FAM13C: variants seen among roughly 807,000 people sequenced by gnomAD.
FAM13C encodes the protein family with sequence similarity 13 member C, also known as protein FAM13C.
In FAM13C, 37 loss-of-function variants were observed where a neutral mutation model predicts 73.2. The ratio of observed to expected loss-of-function variants is 0.51; its 90% CI spans 0.39 to 0.67. FAM13C has a LOEUF of 0.67. Ranked by LOEUF, FAM13C falls within the 30% of genes least tolerant of loss-of-function variation. The pLI is 0.00. For synonymous variants in FAM13C, 246 were observed against 260.9 expected (o/e 0.94, Z 0.55); for missense variants, 589 against 715.6 (o/e 0.82, Z 2.02).
At chr10:59,354,255 G>A (rs1855425659) in intron 2 of FAM13C, among the ~76,000 whole-genome samples, 1 of 152,022 alleles carries the variant, frequency 6.6e-6, no homozygotes, top group South Asian at 2.1e-4. Flanking sequence ...TTACTTCCTT[G>A]ACTTGGAAAG....
chr10:59,312,399 T>C (rs1031438936), intron 4 of FAM13C, among the ~76,000 whole-genome samples: 1 of 152,154 alleles, frequency 6.6e-6, no homozygotes, highest in Admixed American at 6.5e-5. Context: ...CCTTCACCTG[T>C]CATCTTCCCT....
chr10:59,352,159 C>T, intron 3 of FAM13C, 111 bp downstream of exon 3: 3 of 1,218,758 alleles, frequency 2.5e-6, no homozygotes, highest in South Asian at 1.4e-5. Flanking sequence ...AATGACAAGT[C>T]GTGCCAATCC....
chr10:59,290,869 G>C (rs766864840), intron 5 of FAM13C, among the ~76,000 whole-genome samples: 7 of 152,132 alleles, frequency 4.6e-5, no homozygotes, highest in Non-Finnish European at 8.8e-5. Context: ...ATTTGCAGGG[G>C]GGGCAGGGGT....
At chr10:59,304,696 G>A (rs1031175976) in intron 4 of FAM13C, among the ~76,000 whole-genome samples, 8 of 144,902 alleles carry the variant, frequency 5.5e-5, no homozygotes, top group African/African-American at 7.7e-5. Flanking sequence ...CAACAAACCC[G>A]CATGACACAA....
intron 4 of FAM13C, among the ~76,000 whole-genome samples, chr10:59,311,399 A>G (rs1024917075): frequency 3.3e-5 from 5 of 152,236 alleles, no homozygotes; most frequent in African/African-American, 9.6e-5. Flanking sequence ...CATTATTAGG[A>G]GTAATAATTA....
At chr10:59,354,122 T>C (rs2134275986) in intron 2 of FAM13C, among the ~76,000 whole-genome samples, 1 of 152,300 alleles carries the variant, frequency 6.6e-6, no homozygotes, top group Non-Finnish European at 1.5e-5. Flanking sequence ...ACTCAAGAAT[T>C]TTAAAAAATA....
intron 5 of FAM13C, among the ~76,000 whole-genome samples, chr10:59,289,058 T>A (rs893487978): frequency 6.6e-6 from 1 of 152,308 alleles, no homozygotes; most frequent in South Asian, 2.1e-4. Context: ...GAAGACAATT[T>A]TTCCATGGAC....
At position 59,356,016 on chromosome 10, in the gene FAM13C, T is replaced by C; in HGVS notation, c.63-73A>G. ...AGCAGTAGTAGCAATAATCTAGAAT[T>C]GTCTCAAGATTACCATGGAAAACTA... is the stretch of plus-strand genomic sequence containing the variant. On this transcript the variant is annotated intron_variant, in intron 1 of 13. Transcript: ENST00000618804. The C allele has an allele frequency of 5.8e-6, 8 of 1,389,908 alleles. No individual in the cohort carries two copies. In the South Asian group the frequency reaches 9.2e-5, roughly 16 times the overall value. 86.1% of individuals were successfully genotyped at this position (1,389,908 alleles called of 1,614,324 possible).
At chr10:59,317,273 T>C (rs1018699124) in intron 4 of FAM13C, among the ~76,000 whole-genome samples, 18 of 152,236 alleles carry the variant, frequency 1.2e-4, no homozygotes, top group Middle Eastern at 3.4e-3. Flanking sequence ...TTAGCCCCAT[T>C]CTAGTCGCCT....
At chr10:59,274,612 T>C (rs117196898) in intron 6 of FAM13C, among the ~76,000 whole-genome samples, 2,447 of 152,216 alleles carry the variant, frequency 0.016, 27 homozygotes, top group Non-Finnish European at 0.023. Context: ...CAAGAGGCAG[T>C]TTGCCATAAT....
chr10:59,331,572 ATAAG>A (rs1303425418), intron 3 of FAM13C, among the ~76,000 whole-genome samples: 3 of 152,282 alleles, frequency 2.0e-5, no homozygotes, highest in African/African-American at 4.8e-5. Context: ...ACTGAATATT[ATAAG>A]TAAGGCATGT....
intron 12 of FAM13C, among the ~76,000 whole-genome samples, chr10:59,252,334 C>G (rs1051323627): frequency 1.2e-4 from 18 of 152,042 alleles, no homozygotes; most frequent in African/African-American, 4.3e-4. Context: ...AAAGAAGTCC[C>G]AACACCCCTT....
intron 4 of FAM13C, among the ~76,000 whole-genome samples, chr10:59,322,361 A>G (rs1850432141): frequency 6.6e-6 from 1 of 152,234 alleles, no homozygotes; most frequent in African/African-American, 2.4e-5. Context: ...GATTGCTGAC[A>G]GCGGTGCACA....
chr10:59,289,017 A>G (rs952632137), intron 5 of FAM13C, among the ~76,000 whole-genome samples: 3 of 152,200 alleles, frequency 2.0e-5, no homozygotes, highest in Non-Finnish European at 2.9e-5. Context: ...TAGCAGTCCC[A>G]ACCTTTTTGG....
intron 2 of FAM13C, among the ~76,000 whole-genome samples, chr10:59,353,027 C>G (rs1324663455): frequency 1.3e-5 from 2 of 152,188 alleles, no homozygotes; most frequent in African/African-American, 2.4e-5. Context: ...AGAAATTTAA[C>G]AGGATCTATT....
intron 6 of FAM13C, among the ~76,000 whole-genome samples, chr10:59,271,087 T>C (rs183927401): frequency 3.3e-5 from 5 of 152,228 alleles, no homozygotes; most frequent in Admixed American, 3.3e-4. Context: ...CACCCTAGGC[T>C]CTGTACAGAG....
At chr10:59,359,666 A>G (rs968775658) in intron 1 of FAM13C, among the ~76,000 whole-genome samples, 1 of 152,224 alleles carries the variant, frequency 6.6e-6, no homozygotes, top group Non-Finnish European at 1.5e-5. Context: ...CTGCCTACCT[A>G]TAGAACTACT....
At chr10:59,320,846 C>T (rs1002760888) in intron 4 of FAM13C, among the ~76,000 whole-genome samples, 2 of 152,200 alleles carry the variant, frequency 1.3e-5, no homozygotes, top group Non-Finnish European at 1.5e-5. Context: ...TCACAATGTA[C>T]AGAGAAACCT....
chr10:59,306,741 G>A (rs530780690), intron 4 of FAM13C, among the ~76,000 whole-genome samples: 3 of 152,178 alleles, frequency 2.0e-5, no homozygotes, highest in African/African-American at 7.2e-5. Flanking sequence ...CAGGTATGGC[G>A]GTGTGCACCT....
Sources: allele counts gnomAD v4.1 joint callset (sites outside exome capture counted in the v4.1 genomes callset), GRCh38; gene constraint gnomAD v4.1.1; transcripts MANE v1.5; gene names NCBI Gene and HGNC (gene_info 2026-07-23, HGNC 2026-07-21).